Variants in PRDM15 observed in about 807,000 individuals in gnomAD.
PRDM15 encodes the protein PR domain zinc finger protein 15.
Under a neutral mutation model 128.6 loss-of-function variants are expected in PRDM15, and 64 were observed. The ratio of observed to expected loss-of-function variants is 0.50; its 90% CI spans 0.41 to 0.61. PRDM15 has a LOEUF of 0.61. PRDM15 is among the 20% of genes least tolerant of loss of function. The pLI is 0.00. For missense variants in PRDM15, 1,242 were observed against 1,569.1 expected, an observed-to-expected ratio of 0.79 and a Z score of 3.52; for synonymous variants, 615 against 621.8, an observed-to-expected ratio of 0.99 and a Z score of 0.16.
intron 5 of PRDM15, among the ~76,000 whole-genome samples, chr21:41,852,594 A>G (rs936608768): frequency 6.6e-6 from 1 of 152,214 alleles, no homozygotes; most frequent in Non-Finnish European, 1.5e-5. Flanking sequence ...ATTCTTAAAC[A>G]TCTCCCCACA....
chr21:41,835,550 G>A (rs1568952973), intron 10 of PRDM15, 26 bp from the exon 11 acceptor site: 11 of 1,591,836 alleles, frequency 6.9e-6, no homozygotes, highest in African/African-American at 1.3e-5. Context: ...CGCCGTGAGT[G>A]AGATGGCCCA....
chr21:41,807,578 T>C (rs1268447080), intron 21 of PRDM15, among the ~76,000 whole-genome samples: 3 of 134,134 alleles, frequency 2.2e-5, no homozygotes, highest in African/African-American at 8.8e-5. Context: ...ATATCCTCTA[T>C]TCTAGTTTGT....
intron 5 of PRDM15, 68 bp from the exon 6 acceptor site, chr21:41,847,259 G>A (rs2063295358): frequency 3.5e-6 from 4 of 1,138,452 alleles, no homozygotes; most frequent in African/African-American, 1.5e-5. Flanking sequence ...GAATCCCGGC[G>A]CAGCGGAGGA....
intron 11 of PRDM15, among the ~76,000 whole-genome samples, chr21:41,834,292 A>G (rs554875050): frequency 6.6e-6 from 1 of 152,204 alleles, no homozygotes; most frequent in South Asian, 2.1e-4. Flanking sequence ...AACCCCACCA[A>G]GGGCCCCCCG....
chr21:41,825,511 G>A (rs531937964), intron 13 of PRDM15, among the ~76,000 whole-genome samples: 5 of 152,342 alleles, frequency 3.3e-5, no homozygotes, highest in African/African-American at 1.2e-4. Context: ...CCTGCCATGG[G>A]ATCGGCCATG....
intron 6 of PRDM15, among the ~76,000 whole-genome samples, chr21:41,845,323 TCACAGGGACACACAGCCCCTCCCC>T (rs2063228666): frequency 1.0e-5 from 1 of 100,000 alleles, no homozygotes; most frequent in African/African-American, 4.1e-5. Flanking sequence ...CCCCTCCCCC[TCACAGGGACACACAGCCCCTCCCC>T]GTTCACAGGC....
At position 41,826,007 on chromosome 21, in the gene PRDM15, G is replaced by T. The variant is rs1165481343; in HGVS notation, c.1582C>A (p.Leu528Met). The T allele has an allele frequency of 3.7e-6, 6 of 1,614,166 alleles. No individual in the cohort carries two copies. The highest frequency in any genetic ancestry group is 5.1e-6 in the Non-Finnish European group (6 of 1,180,038). Residue 528 changes from leucine to methionine, a missense_variant, in exon 13 of 24, where the codon CTG becomes ATG. Physicochemically the swap from Leu to Met is conservative, Grantham distance 15. This residue lies in a region of PRDM15 where 612 missense variants were observed against 717.0 expected (regional missense o/e 0.85). Transcript: ENST00000398548. ...GAAGGCTCCTTCTTGTAACGGACCA[G>T]GTTCTCCCCACCGGCCTCCAGGTCC... The part of the protein sequence containing the change: ...REDLEAGGEN[L>M]VRYKKEPSGC...
At position 41,859,487 on chromosome 21, in the gene PRDM15, T is replaced by C; in HGVS notation, c.131+105A>G. The C allele has an allele frequency of 2.2e-6, 2 of 911,870 alleles. No homozygotes were observed. The highest frequency in any genetic ancestry group is 1.7e-6 in the Non-Finnish European group (1 of 593,306). 56.5% of individuals were successfully genotyped at this position (911,870 alleles called of 1,614,324 possible). On this transcript the variant is annotated intron_variant, in intron 3 of 23. Transcript: ENST00000398548. The surrounding 1 kb of genome is among the most constrained non-coding windows in gnomAD (Gnocchi z 5.3). ...CGCTGGCTCTCACTCAGAGTGCCTC[T>C]GTTCTCCCTCAGGCTCCTTCCTCCC...
intron 14 of PRDM15, chr21:41,823,068 A>T: frequency 2.1e-6 from 1 of 482,586 alleles, no homozygotes; most frequent in South Asian, 2.1e-5. Flanking sequence ...TTGGGCCCTT[A>T]TAGAAGAGAT....
intron 3 of PRDM15, among the ~76,000 whole-genome samples, chr21:41,858,452 G>T (rs28488623): frequency 6.7e-6 from 1 of 149,846 alleles, no homozygotes; most frequent in Non-Finnish European, 1.5e-5. Flanking sequence ...AGGCGGACAT[G>T]GGGTGCCCAG....
intron 1 of PRDM15, among the ~76,000 whole-genome samples, chr21:41,878,321 T>C (rs752082177): frequency 1.3e-5 from 2 of 152,198 alleles, no homozygotes; most frequent in South Asian, 2.1e-4. Flanking sequence ...CTTTGGGGAC[T>C]TGGGGGTGAG....
chr21:41,830,405 CATAA>C (rs1348653593), intron 11 of PRDM15, among the ~76,000 whole-genome samples: 11 of 145,272 alleles, frequency 7.6e-5, no homozygotes, highest in East Asian at 1.9e-4. Flanking sequence ...ACACACCACA[CATAA>C]ATACACAATC....
chr21:41,810,364 A>G lies in PRDM15; in HGVS notation c.2477-35T>C. ...CACACGCAGACACACATGCGCGTGG[A>G]AAGGAAGAGACACGCAGGTCACTAG... On this transcript the variant is annotated intron_variant, in intron 20 of 23. Transcript: ENST00000398548. This position sits in a 1 kb window ranked among gnomAD's most constrained non-coding sequence, Gnocchi z 6.4. 1.3e-6 allele frequency: 2 copies of G among 1,591,734 alleles called. No homozygotes were observed. The highest frequency in any genetic ancestry group is 3.3e-4 in the Middle Eastern group (2 of 6,014).
At chr21:41,865,617 C>T (rs2063981794) in intron 1 of PRDM15, among the ~76,000 whole-genome samples, 1 of 152,212 alleles carries the variant, frequency 6.6e-6, no homozygotes, top group South Asian at 2.1e-4. Context: ...CCTCACCCTC[C>T]CTGACACCTT....
chr21:41,825,726 T>C (rs745376017), intron 13 of PRDM15, among the ~76,000 whole-genome samples: 1 of 152,194 alleles, frequency 6.6e-6, no homozygotes, highest in African/African-American at 2.4e-5. Flanking sequence ...AAAGAGGCTG[T>C]CCAGGAAGAA....
intron 12 of PRDM15, among the ~76,000 whole-genome samples, chr21:41,827,158 C>T (rs28597774): frequency 0.22 from 33,815 of 151,922 alleles, 3,908 homozygotes; most frequent in East Asian, 0.25. Context: ...AGGTTTGATT[C>T]GAGAGGCCCT....
chr21:41,822,772 C>T lies in PRDM15; in HGVS notation c.1761+546G>A, dbSNP rs1053832298. On this transcript the variant is annotated intron_variant, in intron 14 of 23. Transcript: ENST00000398548. The stretch of plus-strand genomic sequence containing the variant: ...ATTTGGGGTGGGGCATGGTGGCTCA[C>T]GCCTGTAATCGCAGCACTTTGGGAG... 3.1e-4 allele frequency among the ~76,000 whole-genome samples: 47 copies of T among 152,116 alleles called. 1 individual carries two copies. The highest frequency in any genetic ancestry group is 2.9e-3 in the Admixed American group (45 of 15,266).
At chr21:41,871,408 CTCT>C in intron 1 of PRDM15, 1 of 1,288,154 alleles carries the variant, frequency 7.8e-7, no homozygotes, top group Non-Finnish European at 1.0e-6. Flanking sequence ...GTCACTGTCC[CTCT>C]TAAGCAGCAG....
Position 41,860,308 on chromosome 21 carries a change from A to C in PRDM15, c.37+19T>G. The C allele has an allele frequency of 6.2e-7, 1 of 1,608,494 alleles. No individual in the cohort carries two copies. Reference sequence around the variant, plus strand: ...ATAGGGCTGGTCTCGGACCTGGGACAGGTCCCTGGGTCACTTACAGATGAA... The same window carrying C: ...ATAGGGCTGGTCTCGGACCTGGGACCGGTCCCTGGGTCACTTACAGATGAA... On this transcript the variant is annotated intron_variant, in intron 2 of 23. Transcript: ENST00000398548.
Sources: allele counts gnomAD v4.1 joint callset (sites outside exome capture counted in the v4.1 genomes callset), GRCh38; gene constraint gnomAD v4.1.1; regional missense constraint gnomAD v4.1.1; non-coding constraint Gnocchi (gnomAD v3.1); transcripts MANE v1.5; gene names NCBI Gene and HGNC (gene_info 2026-07-23, HGNC 2026-07-21).